The following RAPGEF5 variants were observed in gnomAD, a reference collection of about 807,000 sequenced individuals.
RAPGEF5 encodes Rap guanine nucleotide exchange factor 5, also known as M-Ras-regulated GEF.
In RAPGEF5, 65 loss-of-function variants were observed where a neutral mutation model predicts 125.2. The observed-to-expected ratio is 0.52, with a 90% confidence interval of 0.43 to 0.64. RAPGEF5 has a LOEUF of 0.64. Ranked by LOEUF, RAPGEF5 falls within the 30% of genes least tolerant of loss-of-function variation. RAPGEF5 has a pLI of 0.00. For synonymous variants in RAPGEF5, 391 were observed against 385.9 expected (o/e 1.01, Z -0.16); for missense variants, 958 against 1,048.1 (o/e 0.91, Z 1.19).
intron 16 of RAPGEF5, among the ~76,000 whole-genome samples, chr7:22,155,272 T>A (rs1328061627): frequency 6.6e-6 from 1 of 152,258 alleles, no homozygotes; most frequent in Non-Finnish European, 1.5e-5. Flanking sequence ...GTGGTGCTAA[T>A]AATTATTACT....
At chr7:22,212,541 A>C (rs1405464623) in intron 9 of RAPGEF5, among the ~76,000 whole-genome samples, 3 of 151,544 alleles carry the variant, frequency 2.0e-5, no homozygotes, top group Non-Finnish European at 4.4e-5. Context: ...CCACACTGTA[A>C]ATTGCTGCCT....
chr7:22,120,202 C>T lies in RAPGEF5; in HGVS notation c.*2204G>A, dbSNP rs571128906. ...ACGGCTGGAGGAAGAGGTGAACAAG[C>T]ATCATTTTCTCCCCAGCCAGTTTAC... On this transcript the variant is annotated 3_prime_UTR_variant, in exon 26 of 26. Coordinates refer to ENST00000665637, the MANE Select transcript of RAPGEF5 (RefSeq NM_012294.5). This position sits in a 1 kb window ranked among gnomAD's most constrained non-coding sequence, Gnocchi z 4.0. 7.9e-5 allele frequency: 12 copies of T among 152,304 alleles called. No individual in the cohort carries two copies. Among genetic ancestry groups the T allele is most frequent in the African/African-American group, 2.9e-4 (12 of 41,582 alleles). The allele number at this position is 152,304 out of a possible 1,614,324, so 9.4% of individuals were successfully genotyped here.
At position 22,145,119 on chromosome 7, in the gene RAPGEF5, G is replaced by A; in HGVS notation, c.2111C>T (p.Ala704Val). 2 of 1,613,854 alleles carry A rather than the reference G, an allele frequency of 1.2e-6. No individual in the cohort carries two copies. The highest frequency in any genetic ancestry group is 1.7e-6 in the Non-Finnish European group (2 of 1,179,812). The part of the protein sequence containing the change: ...QRCNEVQLWV[A>V]TEILLCSQLG... ...CTGGCTGCAGAGCAGAATCTCCGTG[G>A]CCACCCAAAGCTGGACCTCATTGCA... Residue 704 changes from alanine (A) to valine (V), a missense_variant, in exon 20 of 26, where the codon GCC becomes GTC. Coordinates refer to ENST00000665637, the MANE Select transcript of RAPGEF5 (RefSeq NM_012294.5).
chr7:22,349,403 G>A (rs1440414669), intron 1 of RAPGEF5, among the ~76,000 whole-genome samples: 15 of 127,580 alleles, frequency 1.2e-4, no homozygotes, highest in East Asian at 2.5e-4. Flanking sequence ...CAACCTGGGC[G>A]ATAGAGTGAG....
intron 11 of RAPGEF5, among the ~76,000 whole-genome samples, chr7:22,173,960 G>A (rs1562739188): frequency 6.6e-6 from 1 of 152,078 alleles, no homozygotes; most frequent in African/African-American, 2.4e-5. Flanking sequence ...AGAATACTAT[G>A]GAAACAGACA....
intron 1 of RAPGEF5, among the ~76,000 whole-genome samples, chr7:22,325,608 C>A (rs1396616197): frequency 6.6e-6 from 1 of 152,182 alleles, no homozygotes; most frequent in Admixed American, 6.5e-5. Context: ...CTCTGTCTCC[C>A]AGGCTGGAGT....
chr7:22,303,705 C>T (rs377686792), intron 5 of RAPGEF5, among the ~76,000 whole-genome samples: 5 of 152,202 alleles, frequency 3.3e-5, no homozygotes, highest in East Asian at 3.9e-4. Flanking sequence ...ATCAAGAGGG[C>T]ACTTGAATAA....
chr7:22,234,011 C>T (rs929163068), intron 7 of RAPGEF5, among the ~76,000 whole-genome samples: 4 of 152,162 alleles, frequency 2.6e-5, no homozygotes, highest in Non-Finnish European at 4.4e-5. Flanking sequence ...TCAACCTCAA[C>T]CCCCTAATGA....
chr7:22,226,344 T>C (rs1785917594), intron 8 of RAPGEF5, among the ~76,000 whole-genome samples: 1 of 152,174 alleles, frequency 6.6e-6, no homozygotes, highest in South Asian at 2.1e-4. Context: ...GAAATATAAA[T>C]GACAGAATAA....
intron 21 of RAPGEF5, 86 bp from the exon 22 acceptor site, chr7:22,137,069 TTATC>T (rs1783103140): frequency 2.0e-6 from 2 of 979,100 alleles, no homozygotes; most frequent in Non-Finnish European, 3.1e-6. Flanking sequence ...ATTACGTTGT[TTATC>T]TGTGTCACAT....
At chr7:22,274,218 T>C (rs1388536298) in intron 6 of RAPGEF5, among the ~76,000 whole-genome samples, 1 of 152,196 alleles carries the variant, frequency 6.6e-6, no homozygotes, top group East Asian at 1.9e-4. Flanking sequence ...TGACTTCAAT[T>C]ATATTTGCAT....
chr7:22,132,685 T>C (rs905566556), intron 23 of RAPGEF5, among the ~76,000 whole-genome samples: 6 of 152,192 alleles, frequency 3.9e-5, no homozygotes, highest in Non-Finnish European at 7.3e-5. Flanking sequence ...AGTGGCTTAG[T>C]CCATTTCCCC....
chr7:22,332,123 A>C (rs1783934359), intron 1 of RAPGEF5, among the ~76,000 whole-genome samples: 1 of 152,222 alleles, frequency 6.6e-6, no homozygotes, highest in Non-Finnish European at 1.5e-5. Flanking sequence ...AAAGCAAAAA[A>C]AAATTTTAAC....
chr7:22,323,091 C>T (rs1387838635), intron 1 of RAPGEF5, among the ~76,000 whole-genome samples: 1 of 152,222 alleles, frequency 6.6e-6, no homozygotes, highest in African/African-American at 2.4e-5. Flanking sequence ...CTGTCCTGCA[C>T]CTGCTCATGT....
chr7:22,231,635 T>C (rs1786060444), intron 7 of RAPGEF5, among the ~76,000 whole-genome samples: 1 of 152,238 alleles, frequency 6.6e-6, no homozygotes, highest in South Asian at 2.1e-4. Context: ...CTCTGAACTC[T>C]CTAGCTTCCT....
At chr7:22,236,046 C>T (rs1328651551) in intron 7 of RAPGEF5, among the ~76,000 whole-genome samples, 1 of 152,140 alleles carries the variant, frequency 6.6e-6, no homozygotes, top group Non-Finnish European at 1.5e-5. Context: ...TGCCATTGAA[C>T]TTCTCTTTGA....
At position 22,156,902 on chromosome 7, in the gene RAPGEF5, G is replaced by A; in HGVS notation, c.1558-14C>T. ...AAGGGCTTTATTCTGTGAGATGGGA[G>A]AAAGAGAACAATGAATGAATACATT... On this transcript the variant is annotated splice_polypyrimidine_tract_variant and intron_variant, in intron 15 of 25. Coordinates refer to ENST00000665637, the MANE Select transcript of RAPGEF5 (RefSeq NM_012294.5). 1 of 1,613,806 alleles carries A rather than the reference G, an allele frequency of 6.2e-7. No homozygotes were observed. Among genetic ancestry groups the A allele is most frequent in the Non-Finnish European group, 8.5e-7 (1 of 1,179,768 alleles).
At chr7:22,230,234 C>T (rs1786024323) in intron 8 of RAPGEF5, among the ~76,000 whole-genome samples, 1 of 152,144 alleles carries the variant, frequency 6.6e-6, no homozygotes, top group Non-Finnish European at 1.5e-5. Flanking sequence ...AATATTACCA[C>T]AGCAAAACAA....
At chr7:22,218,938 C>T (rs1785708876) in intron 9 of RAPGEF5, among the ~76,000 whole-genome samples, 1 of 151,632 alleles carries the variant, frequency 6.6e-6, no homozygotes. Flanking sequence ...GCCAGCCAGA[C>T]TTGAGCATCT....
Sources: allele counts gnomAD v4.1 joint callset (sites outside exome capture counted in the v4.1 genomes callset), GRCh38; gene constraint gnomAD v4.1.1; non-coding constraint Gnocchi (gnomAD v3.1); transcripts MANE v1.5; gene names NCBI Gene and HGNC (gene_info 2026-07-23, HGNC 2026-07-21).